The following USH2A variants were observed in gnomAD, a reference collection of about 807,000 sequenced individuals.
USH2A encodes Usher syndrome 2A (autosomal recessive, mild).
A neutral mutation model predicts 538.9 loss-of-function variants in USH2A; 443 were observed. That is an observed-to-expected ratio of 0.82 (90% confidence interval 0.76 to 0.89). The LOEUF (loss-of-function observed/expected upper bound fraction) is 0.89, where lower values mean the gene tolerates loss of function less well. Among genes scored for constraint, USH2A ranks in the 40% least tolerant of loss-of-function variants. The probability of loss-of-function intolerance (pLI) is 0.00; values close to 1 mark genes in which losing one functional copy is unlikely to be tolerated. For missense variants in USH2A, 6,633 were observed against 6,324.8 expected (o/e 1.05, Z -1.65); for synonymous variants, 2,413 against 2,273.5 (o/e 1.06, Z -1.75).
chr1:216,342,567 G>A (rs981862991), intron 4 of USH2A, among the ~76,000 whole-genome samples: 2 of 152,114 alleles, frequency 1.3e-5, no homozygotes, highest in African/African-American at 4.8e-5. Context: ...ATTTACAATA[G>A]CAAAGACATG....
chr1:216,239,205 G>A (rs1049855660), intron 13 of USH2A, among the ~76,000 whole-genome samples: 11 of 151,866 alleles, frequency 7.2e-5, no homozygotes, highest in African/African-American at 1.5e-4. Context: ...TGCTCTTTTC[G>A]TGGGCTATGA....
intron 4 of USH2A, among the ~76,000 whole-genome samples, chr1:216,359,550 C>T (rs1026183810): frequency 6.6e-6 from 1 of 151,936 alleles, no homozygotes; most frequent in South Asian, 2.1e-4. Context: ...TATATACCTT[C>T]TTTTTTAAAA....
chr1:216,194,816 T>C (rs1170005313), intron 19 of USH2A, among the ~76,000 whole-genome samples: 2 of 152,220 alleles, frequency 1.3e-5, no homozygotes, highest in East Asian at 1.9e-4. Context: ...CTGAGTAATA[T>C]GGAATGCTGC....
At chr1:215,637,402 C>T (rs1656528968) in intron 69 of USH2A, among the ~76,000 whole-genome samples, 2 of 152,198 alleles carry the variant, frequency 1.3e-5, no homozygotes, top group African/African-American at 4.8e-5. Context: ...GCGTACTTAA[C>T]TTGGCAAACC....
chr1:216,101,015 A>G (rs577075489), intron 21 of USH2A, among the ~76,000 whole-genome samples: 1 of 152,222 alleles, frequency 6.6e-6, no homozygotes, highest in Admixed American at 6.5e-5. Flanking sequence ...GGTGTATGTG[A>G]GACTTTCCCA....
At chr1:216,184,597 A>G (rs1463193769) in intron 20 of USH2A, among the ~76,000 whole-genome samples, 1 of 151,998 alleles carries the variant, frequency 6.6e-6, no homozygotes, top group Non-Finnish European at 1.5e-5. Flanking sequence ...TGTATTATGA[A>G]ACAAAAACAG....
At chr1:215,844,205 A>G (rs2102821611) in intron 46 of USH2A, 89 bp downstream of exon 46, 1 of 1,352,168 alleles carries the variant, frequency 7.4e-7, no homozygotes, top group East Asian at 2.4e-5. Context: ...ATCTGTAACC[A>G]AGACAGAAGA....
chr1:216,013,923 CTG>C (rs1335872554), intron 32 of USH2A, among the ~76,000 whole-genome samples: 1 of 152,164 alleles, frequency 6.6e-6, no homozygotes, highest in African/African-American at 2.4e-5. Context: ...AATCTGAAAA[CTG>C]TAAACATAAT....
At chr1:216,324,468 T>C in intron 6 of USH2A, 116 bp from the exon 7 acceptor site, 4 of 998,334 alleles carry the variant, frequency 4.0e-6, no homozygotes, top group Non-Finnish European at 5.9e-6. Context: ...TAATTATAGT[T>C]ATCAAATATG....
At chr1:215,816,354 T>A (rs759264138) in intron 48 of USH2A, among the ~76,000 whole-genome samples, 1 of 152,100 alleles carries the variant, frequency 6.6e-6, no homozygotes. Flanking sequence ...TGTATTTTGA[T>A]CCATATTGCT....
intron 9 of USH2A, among the ~76,000 whole-genome samples, chr1:216,306,298 A>G (rs192373964): frequency 2.6e-5 from 4 of 151,866 alleles, no homozygotes; most frequent in Admixed American, 2.6e-4. Flanking sequence ...GTTGGATTCT[A>G]TTGCTAAGAC....
At chr1:216,021,588 A>G (rs1668846039) in intron 32 of USH2A, among the ~76,000 whole-genome samples, 1 of 152,096 alleles carries the variant, frequency 6.6e-6, no homozygotes, top group Non-Finnish European at 1.5e-5. Context: ...AGACTACAAC[A>G]CTAACTCTTC....
intron 14 of USH2A, among the ~76,000 whole-genome samples, chr1:216,222,345 T>C (rs954404809): frequency 6.6e-6 from 1 of 152,190 alleles, no homozygotes; most frequent in Non-Finnish European, 1.5e-5. Flanking sequence ...TGTGCTCTAA[T>C]AAAACTCTAT....
At chr1:215,952,137 T>C (rs1666935793) in intron 37 of USH2A, among the ~76,000 whole-genome samples, 1 of 152,194 alleles carries the variant, frequency 6.6e-6, no homozygotes, top group African/African-American at 2.4e-5. Context: ...GTGCTGGGAT[T>C]ACAGGCGTGA....
At chr1:215,657,051 C>T (rs1657278220) in intron 64 of USH2A, among the ~76,000 whole-genome samples, 1 of 152,234 alleles carries the variant, frequency 6.6e-6, no homozygotes, top group East Asian at 1.9e-4. Flanking sequence ...TTTCCAATAC[C>T]TGTATTGGCT....
intron 4 of USH2A, among the ~76,000 whole-genome samples, chr1:216,355,378 G>GGAAGAAAGAAAGAAAGAAA (rs2038374459): frequency 2.7e-5 from 3 of 112,872 alleles, no homozygotes; most frequent in African/African-American, 1.0e-4. Flanking sequence ...AAAGAAAGAA[G>GGAAGAAAGAAAGAAAGAAA]GAAAGAAACA....
intron 47 of USH2A, among the ~76,000 whole-genome samples, chr1:215,824,302 G>A (rs944788032): frequency 1.3e-5 from 2 of 151,688 alleles, no homozygotes; most frequent in Non-Finnish European, 2.9e-5. Context: ...GGCTTGCTTT[G>A]GTTTTTCTTA....
At chr1:215,704,807 A>T (rs1659137940) in intron 61 of USH2A, among the ~76,000 whole-genome samples, 1 of 152,154 alleles carries the variant, frequency 6.6e-6, no homozygotes, top group Non-Finnish European at 1.5e-5. Context: ...CATTTGGAAG[A>T]GTGTCTTGAC....
chr1:215,993,650 A>C (rs1263555542), intron 34 of USH2A, among the ~76,000 whole-genome samples: 5 of 152,222 alleles, frequency 3.3e-5, no homozygotes, highest in Non-Finnish European at 7.3e-5. Flanking sequence ...ATTGCCTTTT[A>C]TTTCTACAGT....
Sources: allele counts gnomAD v4.1 joint callset (sites outside exome capture counted in the v4.1 genomes callset), GRCh38; gene constraint gnomAD v4.1.1; transcripts MANE v1.5; gene names NCBI Gene and HGNC (gene_info 2026-07-23, HGNC 2026-07-21).